Variants in ADCY2 observed in about 807,000 individuals in gnomAD.
ADCY2 encodes adenylate cyclase type 2.
Under a neutral mutation model 125.2 loss-of-function variants are expected in ADCY2, and 31 were observed. The ratio of observed to expected loss-of-function variants is 0.25; its 90% CI spans 0.19 to 0.33. The LOEUF (loss-of-function observed/expected upper bound fraction) is 0.33, where lower values mean the gene tolerates loss of function less well. ADCY2 is among the 10% of genes least tolerant of loss of function. The pLI, the probability that ADCY2 is intolerant of heterozygous loss-of-function variation, is 1.00. For synonymous variants in ADCY2, 512 were observed against 548.4 expected (o/e 0.93, Z 0.93); for missense variants, 904 against 1,418.2 (o/e 0.64, Z 5.82).
chr5:7,421,905 A>T (rs187584328), intron 2 of ADCY2, among the ~76,000 whole-genome samples: 4 of 152,348 alleles, frequency 2.6e-5, no homozygotes, highest in Admixed American at 1.3e-4. Context: ...GTGTGTGAAT[A>T]TCATGTTGAA....
intron 14 of ADCY2, among the ~76,000 whole-genome samples, chr5:7,738,963 G>C (rs1427084540): frequency 6.6e-6 from 1 of 151,698 alleles, no homozygotes; most frequent in African/African-American, 2.4e-5. Context: ...ACAAATCTAC[G>C]TCAGAATTAG....
chr5:7,554,111 C>A (rs997797830), intron 3 of ADCY2, among the ~76,000 whole-genome samples: 9 of 152,128 alleles, frequency 5.9e-5, no homozygotes, highest in African/African-American at 1.9e-4. Context: ...AATAAACAGA[C>A]AAGCAAATAA....
In ADCY2 at chr5:7,717,171, A is replaced by G. The variant is rs767627684; in HGVS notation, c.1637A>G (p.Lys546Arg). The change falls in exon 12 of 25, where the codon AAG becomes AGG. Residue 546 changes from lysine to arginine, a missense_variant. Transcript: ENST00000338316. ...QNRTLRTKSQ[K>R]KRFEEELNER... ...TTTTCATATAGAACCAAGTCACAAAAGAAGAGATTTGAAGAAGAATTGAAT... is the reference window on the plus strand; with the variant it reads ...TTTTCATATAGAACCAAGTCACAAAGGAAGAGATTTGAAGAAGAATTGAAT... 2.0e-5 allele frequency: 33 copies of G among 1,610,230 alleles called. No homozygotes were observed. The highest frequency in any genetic ancestry group is 2.5e-5 in the Non-Finnish European group (30 of 1,177,262).
chr5:7,557,481 A>G (rs989986580), intron 3 of ADCY2, among the ~76,000 whole-genome samples: 10 of 152,030 alleles, frequency 6.6e-5, no homozygotes, highest in African/African-American at 2.4e-4. Context: ...CCAGGTATTA[A>G]GCCTAGTACC....
intron 3 of ADCY2, among the ~76,000 whole-genome samples, chr5:7,587,416 C>T (rs1161399173): frequency 6.6e-6 from 1 of 152,158 alleles, no homozygotes; most frequent in African/African-American, 2.4e-5. Flanking sequence ...TCTTTCATTT[C>T]AATTTTATTT....
chr5:7,470,666 A>T (rs1343722863), intron 2 of ADCY2, among the ~76,000 whole-genome samples: 1 of 150,530 alleles, frequency 6.6e-6, no homozygotes, highest in South Asian at 2.1e-4. Flanking sequence ...GTTTACAAAT[A>T]TATACATTTT....
intron 2 of ADCY2, among the ~76,000 whole-genome samples, chr5:7,429,796 A>C (rs752942831): frequency 5.3e-5 from 8 of 152,228 alleles, no homozygotes; most frequent in Non-Finnish European, 1.2e-4. Context: ...TTAAATGTTT[A>C]TGCTGAAAAG....
At chr5:7,501,790 G>A (rs60569968) in intron 2 of ADCY2, among the ~76,000 whole-genome samples, 27,639 of 151,656 alleles carry the variant, frequency 0.18, 3,153 homozygotes, top group East Asian at 0.35. Context: ...AAGTCCAAGG[G>A]GCGTCCACCA....
At chr5:7,795,724 A>C (rs758763930) in intron 20 of ADCY2, 3 of 152,230 alleles carry the variant, frequency 2.0e-5, no homozygotes, top group Non-Finnish European at 4.4e-5. Context: ...TACTTTACCA[A>C]TATTGCCGGT....
chr5:7,640,078 C>G (rs1245087391), intron 4 of ADCY2, among the ~76,000 whole-genome samples: 3 of 152,182 alleles, frequency 2.0e-5, no homozygotes, highest in African/African-American at 7.2e-5. Context: ...TTTATTAAAA[C>G]ACTTGGCTGA....
chr5:7,819,056 C>T (rs1745212445), intron 23 of ADCY2, among the ~76,000 whole-genome samples: 2 of 152,132 alleles, frequency 1.3e-5, no homozygotes, highest in South Asian at 4.2e-4. Context: ...TGCTGGAGGG[C>T]AGGAAGCATC....
rs561507162 is a variant in ADCY2, at chr5:7,786,798, A to G, written c.2469+2349A>G. On this transcript the variant is annotated intron_variant, in intron 19 of 24. Transcript: ENST00000338316. Reference sequence around the variant, plus strand: ...AAATGAAGCTGTTGTTTTGTAGGAGAGCTTAGAACCCAAGAATCTACAGGG... The same window carrying G: ...AAATGAAGCTGTTGTTTTGTAGGAGGGCTTAGAACCCAAGAATCTACAGGG... Among the ~76,000 whole-genome samples, 11 of 152,204 alleles carry G rather than the reference A, an allele frequency of 7.2e-5. No individual in the cohort carries two copies. The South Asian group carries it at 2.1e-3, about 29-fold the overall frequency.
chr5:7,726,997 A>G (rs1201974364), intron 13 of ADCY2, among the ~76,000 whole-genome samples, 167 bp from the exon 14 acceptor site: 2 of 152,206 alleles, frequency 1.3e-5, no homozygotes, highest in Non-Finnish European at 1.5e-5. Context: ...TGGGGGAAGG[A>G]AAAACTCATT....
At chr5:7,763,174 A>G (rs1312347168) in intron 16 of ADCY2, among the ~76,000 whole-genome samples, 2 of 151,856 alleles carry the variant, frequency 1.3e-5, no homozygotes, top group Non-Finnish European at 2.9e-5. Flanking sequence ...GCTCACTGCA[A>G]GCTCCGCCTC....
rs531838835 is a variant in ADCY2 at position 7,433,430 on chromosome 5, G to A, written c.408+18660G>A. ...ATACATGGTTTGTGTGTGTGTGTGT[G>A]CACACACACATACAATGCCTAGGTC... On this transcript the variant is annotated intron_variant, in intron 2 of 24. Transcript: ENST00000338316. 7.9e-5 allele frequency among the ~76,000 whole-genome samples: 12 copies of A among 151,990 alleles called. No individual in the cohort carries two copies. The East Asian group carries it at 2.1e-3, about 27-fold the overall frequency.
At chr5:7,584,594 A>G (rs1736560665) in intron 3 of ADCY2, among the ~76,000 whole-genome samples, 1 of 152,152 alleles carries the variant, frequency 6.6e-6, no homozygotes, top group Admixed American at 6.5e-5. Flanking sequence ...CTGAAATGCC[A>G]TGACGAACAA....
At chr5:7,502,633 A>G (rs1743637654) in intron 2 of ADCY2, among the ~76,000 whole-genome samples, 1 of 152,246 alleles carries the variant, frequency 6.6e-6, no homozygotes, top group Non-Finnish European at 1.5e-5. Context: ...TGTTCATTAG[A>G]GACTAGTTAG....
chr5:7,815,586 G>A (rs1745084435), intron 22 of ADCY2, among the ~76,000 whole-genome samples: 1 of 152,210 alleles, frequency 6.6e-6, no homozygotes, highest in Non-Finnish European at 1.5e-5. Context: ...TTTTAAAAAG[G>A]TGAAATTCCA....
chr5:7,586,961 C>T (rs1736647212), intron 3 of ADCY2, among the ~76,000 whole-genome samples: 1 of 152,094 alleles, frequency 6.6e-6, no homozygotes, highest in African/African-American at 2.4e-5. Flanking sequence ...TATGTCTGTA[C>T]ATTTTCACAC....
Sources: allele counts gnomAD v4.1 joint callset (sites outside exome capture counted in the v4.1 genomes callset), GRCh38; gene constraint gnomAD v4.1.1; transcripts MANE v1.5; gene names NCBI Gene and HGNC (gene_info 2026-07-23, HGNC 2026-07-21).